IQSEC1: variants seen among roughly 807,000 people sequenced by gnomAD.
IQSEC1 encodes the protein IQ motif and Sec7 domain ArfGEF 1.
A neutral mutation model predicts 91.0 loss-of-function variants in IQSEC1; 31 were observed. The observed-to-expected ratio is 0.34, with a 90% CI of 0.26 to 0.46. The LOEUF (loss-of-function observed/expected upper bound fraction) is 0.46, where lower values mean the gene tolerates loss of function less well. Among genes scored for constraint, IQSEC1 ranks in the 20% least tolerant of loss-of-function variants. The pLI is 1.00. For synonymous variants in IQSEC1, 699 were observed against 662.6 expected, an observed-to-expected ratio of 1.05 and a Z score of -0.84; for missense variants, 1,388 against 1,575.6, an observed-to-expected ratio of 0.88 and a Z score of 2.02.
intron 1 of IQSEC1, among the ~76,000 whole-genome samples, chr3:12,997,250 G>C (rs1459523727): frequency 6.6e-6 from 1 of 152,212 alleles, no homozygotes; most frequent in African/African-American, 2.4e-5. Flanking sequence ...GTAGATGTGT[G>C]TGGGAATTTC....
intron 2 of IQSEC1, among the ~76,000 whole-genome samples, chr3:13,132,834 C>A (rs1706642328): frequency 6.6e-6 from 1 of 152,200 alleles, no homozygotes; most frequent in Non-Finnish European, 1.5e-5. Flanking sequence ...AAACACAGGG[C>A]ATCCTGAGCT....
chr3:13,225,599 GAC>G (rs1208886535), intron 1 of IQSEC1, among the ~76,000 whole-genome samples: 3 of 152,206 alleles, frequency 2.0e-5, no homozygotes. Context: ...ACATGTGCTA[GAC>G]ACAGGCTGGG....
At chr3:13,050,130 C>T (rs889026951) in intron 1 of IQSEC1, among the ~76,000 whole-genome samples, 2 of 151,192 alleles carry the variant, frequency 1.3e-5, no homozygotes, top group Middle Eastern at 3.5e-3. Context: ...CCTCGGTGCC[C>T]CACCCCTCCA....
At position 12,905,439 on chromosome 3, in the gene IQSEC1, G is replaced by A. The variant is rs957462384; in HGVS notation, c.2756-2617C>T. On this transcript the variant is annotated intron_variant, in intron 12 of 13. Transcript: ENST00000613206. Reference sequence around the variant, plus strand: ...CAGAAATGATAGCTATGCACACTCGGCCGGCGCTGCCTGAGCCAGGCATGC... The same window carrying A: ...CAGAAATGATAGCTATGCACACTCGACCGGCGCTGCCTGAGCCAGGCATGC... Among the ~76,000 whole-genome samples, 21 of 152,390 alleles carry A rather than the reference G, an allele frequency of 1.4e-4. 1 individual carries two copies. The highest frequency in any genetic ancestry group is 4.6e-4 in the Admixed American group (7 of 15,314).
intron 1 of IQSEC1, among the ~76,000 whole-genome samples, chr3:13,044,974 G>A (rs932859689): frequency 1.3e-5 from 2 of 152,248 alleles, no homozygotes; most frequent in African/African-American, 4.8e-5. Flanking sequence ...CTGGTCTCAG[G>A]TACCCTCATC....
At chr3:12,944,258 T>C (rs966820512) in intron 1 of IQSEC1, among the ~76,000 whole-genome samples, 11 of 152,316 alleles carry the variant, frequency 7.2e-5, no homozygotes, top group African/African-American at 2.6e-4. Context: ...TGTGCCTTGG[T>C]AGGGGGCGAG....
At chr3:12,939,553 A>G (rs563769582) in intron 2 of IQSEC1, among the ~76,000 whole-genome samples, 1 of 152,316 alleles carries the variant, frequency 6.6e-6, no homozygotes, top group African/African-American at 2.4e-5. Context: ...GGTGATTCCC[A>G]TGCAATCTGT....
intron 1 of IQSEC1, among the ~76,000 whole-genome samples, chr3:13,067,207 G>C (rs1417066530): frequency 6.6e-6 from 1 of 152,210 alleles, no homozygotes; most frequent in Non-Finnish European, 1.5e-5. Context: ...CCTCCTGGGG[G>C]TAAGAGTGAG....
At chr3:13,210,113 G>A (rs1694415950) in intron 1 of IQSEC1, among the ~76,000 whole-genome samples, 1 of 152,170 alleles carries the variant, frequency 6.6e-6, no homozygotes, top group Non-Finnish European at 1.5e-5. Context: ...GGAGTTAGTG[G>A]GGAGGCAGCC....
Position 12,941,749 on chromosome 3 carries a change from G to A in IQSEC1, c.140C>T (p.Thr47Met), listed in dbSNP as rs753528211. 2.6e-5 allele frequency: 42 copies of A among 1,612,342 alleles called. No individual in the cohort carries two copies. Among genetic ancestry groups the A allele is most frequent in the Non-Finnish European group, 3.2e-5 (38 of 1,179,968 alleles). Residue 47 changes from threonine (T) to methionine (M), a missense_variant, in exon 2 of 14, where the codon ACG becomes ATG. Physicochemically the swap from Thr to Met is moderately conservative, Grantham distance 81. Around this residue, in one of 2 missense-constraint regions of IQSEC1, gnomAD observed 1,059 missense variants for 1,317.8 expected, o/e 0.80. Coordinates refer to ENST00000613206, the MANE Select transcript of IQSEC1 (RefSeq NM_001134382.3). ...GTACAGCCCATAGGCTCCCACTGACGTGTGCTCGTAGTGATCCGGGCTCAG... is the reference window on the plus strand; with the variant it reads ...GTACAGCCCATAGGCTCCCACTGACATGTGCTCGTAGTGATCCGGGCTCAG... ...SSLSPDHYEH[T>M]SVGAYGLYSG...
chr3:13,220,937 C>T (rs1258975868), intron 1 of IQSEC1, among the ~76,000 whole-genome samples: 2 of 152,236 alleles, frequency 1.3e-5, no homozygotes, highest in African/African-American at 4.8e-5. Context: ...ATTAATGCCA[C>T]TTATTTCTCA....
chr3:13,196,790 G>GTC (rs1694137545), intron 1 of IQSEC1, among the ~76,000 whole-genome samples: 1 of 148,014 alleles, frequency 6.8e-6, no homozygotes, highest in Admixed American at 6.8e-5. Context: ...GTGTGTGTGT[G>GTC]GTGGGGAGCA....
At position 12,899,772 on chromosome 3, in the gene IQSEC1, G is replaced by C; in HGVS notation, c.*1211C>G. On this transcript the variant is annotated 3_prime_UTR_variant, in exon 14 of 14. Transcript: ENST00000613206. ...CTAAAGTCAACCTTCAGGTTCGAGA[G>C]TGGTTCCTGATGAAAACACTCTCTG... is the stretch of plus-strand genomic sequence containing the variant. 2.0e-6 allele frequency: 2 copies of C among 985,430 alleles called. No homozygotes were observed. The highest frequency in any genetic ancestry group is 2.4e-6 in the Non-Finnish European group (2 of 829,926). 61.0% of individuals were successfully genotyped at this position (985,430 alleles called of 1,614,324 possible).
intron 1 of IQSEC1, among the ~76,000 whole-genome samples, chr3:13,047,722 C>T (rs956165643): frequency 3.3e-5 from 5 of 152,168 alleles, no homozygotes; most frequent in Admixed American, 2.6e-4. Context: ...TGAGAAGCTG[C>T]CTTGTCTCTA....
chr3:13,113,930 A>G (rs1284801985), intron 2 of IQSEC1, among the ~76,000 whole-genome samples: 1 of 152,246 alleles, frequency 6.6e-6, no homozygotes, highest in African/African-American at 2.4e-5. Flanking sequence ...AGGTCACCAA[A>G]TGACTCATGT....
chr3:12,954,365 G>A (rs760365123), intron 1 of IQSEC1, among the ~76,000 whole-genome samples: 20 of 152,312 alleles, frequency 1.3e-4, no homozygotes, highest in Non-Finnish European at 2.5e-4. Context: ...TCAGGGGCTC[G>A]CATGGGAAAG....
At chr3:13,264,718 C>T (rs1447972983) in intron 1 of IQSEC1, among the ~76,000 whole-genome samples, 2 of 151,752 alleles carry the variant, frequency 1.3e-5, no homozygotes, top group Non-Finnish European at 2.9e-5. Flanking sequence ...GGGAGGAGGA[C>T]GGAGGAGAGG....
rs143604896 is a variant in IQSEC1, at chr3:13,081,409, C to A, written c.303-33887G>T. ...TCGGCCTTCCAAAGTTCTGGGACTT[C>A]AGGAACATGCCACTACATCTGGCTA... On this transcript the variant is annotated intron_variant, in intron 2 of 15. Transcript: ENST00000648114. Among the ~76,000 whole-genome samples, 11 of 151,766 alleles carry A rather than the reference C, an allele frequency of 7.2e-5. No homozygotes were observed. The East Asian group carries it at 1.9e-3, about 27-fold the overall frequency.
chr3:13,120,332 A>T (rs779959055), intron 2 of IQSEC1, among the ~76,000 whole-genome samples: 15 of 152,152 alleles, frequency 9.9e-5, no homozygotes, highest in Non-Finnish European at 1.9e-4. Flanking sequence ...AGGAGGGGGC[A>T]CACTCGGTCC....
Sources: allele counts gnomAD v4.1 joint callset (sites outside exome capture counted in the v4.1 genomes callset), GRCh38; gene constraint gnomAD v4.1.1; regional missense constraint gnomAD v4.1.1; transcripts MANE v1.5; gene names NCBI Gene and HGNC (gene_info 2026-07-23, HGNC 2026-07-21).